IL1RAPL1: variants seen among roughly 807,000 people sequenced by gnomAD.
IL1RAPL1 encodes the protein interleukin 1 receptor accessory protein like 1, also known as interleukin-1 receptor accessory protein-like 1.
In IL1RAPL1, 3 loss-of-function variants were observed where a neutral mutation model predicts 48.4. The ratio of observed to expected loss-of-function variants is 0.06; its 90% CI spans 0.03 to 0.16. IL1RAPL1 has a LOEUF of 0.16. Ranked by LOEUF, IL1RAPL1 falls within the 10% of genes least tolerant of loss-of-function variation. The pLI is 1.00. For synonymous variants in IL1RAPL1, 185 were observed against 187.7 expected (o/e 0.99, Z 0.12); for missense variants, 349 against 530.6 (o/e 0.66, Z 3.36).
intron 2 of IL1RAPL1, among the ~76,000 whole-genome samples, chrX:28,932,599 T>C (rs1020186143): frequency 1.8e-5 from 2 of 111,156 alleles, no homozygotes; most frequent in Non-Finnish European, 1.9e-5. Context: ...ATAGAACAAC[T>C]CAGTGAAGGG....
intron 2 of IL1RAPL1, among the ~76,000 whole-genome samples, chrX:29,218,066 GA>G (rs1930910294): frequency 9.0e-6 from 1 of 111,150 alleles, no homozygotes; most frequent in Non-Finnish European, 1.9e-5. Context: ...TTTTTGTACA[GA>G]AAAAAATCTC....
At chrX:28,711,591 G>A (rs190063456) in intron 1 of IL1RAPL1, among the ~76,000 whole-genome samples, 3 of 109,852 alleles carry the variant, frequency 2.7e-5, no homozygotes, top group Non-Finnish European at 3.8e-5. Flanking sequence ...CTGAGTCTTG[G>A]AACCCTCTAA....
rs1323096653 is a variant in IL1RAPL1 at position 29,328,804 on chromosome X, T to C, written c.362+45587T>C. 2.7e-5 allele frequency among the ~76,000 whole-genome samples: 3 copies of C among 110,277 alleles called. No homozygotes were observed. In the East Asian group the frequency reaches 8.5e-4, roughly 31 times the overall value. ...CTATTCAAAGTAGTTATGTCTGTGA[T>C]TTTATTTATACTGTGATTTTTTCTT... is the stretch of plus-strand genomic sequence containing the variant. On this transcript the variant is annotated intron_variant, in intron 3 of 10. Coordinates refer to ENST00000378993, the MANE Select transcript of IL1RAPL1 (RefSeq NM_014271.4).
chrX:29,330,483 C>T (rs1454147353), intron 3 of IL1RAPL1, among the ~76,000 whole-genome samples: 1 of 111,654 alleles, frequency 9.0e-6, no homozygotes, highest in Non-Finnish European at 1.9e-5. Flanking sequence ...CTGCTTACAC[C>T]TTGCTATTCT....
chrX:29,779,599 T>A (rs985587857), intron 6 of IL1RAPL1, among the ~76,000 whole-genome samples: 5 of 110,606 alleles, frequency 4.5e-5, no homozygotes, highest in Non-Finnish European at 9.5e-5. Context: ...GAACCTAAAA[T>A]AAAAGTTGGA....
intron 6 of IL1RAPL1, among the ~76,000 whole-genome samples, chrX:29,704,038 T>A (rs1601787201): frequency 1.8e-5 from 2 of 111,416 alleles, no homozygotes; most frequent in South Asian, 7.6e-4. Flanking sequence ...TCCTCCCACC[T>A]CAGCCTTCCA....
intron 6 of IL1RAPL1, among the ~76,000 whole-genome samples, chrX:29,791,733 T>A (rs890118347): frequency 4.1e-5 from 4 of 98,418 alleles, no homozygotes; most frequent in Non-Finnish European, 8.2e-5. Flanking sequence ...CTTCTTTTTT[T>A]TTTTTTTTTT....
intron 6 of IL1RAPL1, among the ~76,000 whole-genome samples, chrX:29,670,503 G>A (rs909151564): frequency 2.7e-5 from 3 of 111,610 alleles, no homozygotes; most frequent in South Asian, 3.7e-4. Context: ...CAGATAAGTC[G>A]TTTACTAGTT....
At chrX:29,162,532 CAAAT>C (rs1929706673) in intron 2 of IL1RAPL1, among the ~76,000 whole-genome samples, 1 of 109,560 alleles carries the variant, frequency 9.1e-6, no homozygotes, top group African/African-American at 3.3e-5. Flanking sequence ...TTTCTAATAA[CAAAT>C]AATACATATA....
In IL1RAPL1 at chrX:29,955,102, C is replaced by T; in HGVS notation, c.1373C>T (p.Thr458Ile). Reference sequence around the variant, plus strand: ...TGATGCACTCTTTTATCTTTTGTAGCATACATTGAAGATGTGGCAAGATGT... The same window carrying T: ...TGATGCACTCTTTTATCTTTTGTAGTATACATTGAAGATGTGGCAAGATGT... Reference protein sequence around the residue: ...IPDRDLIPTGTYIEDVARCVD... With the variant: ...IPDRDLIPTGIYIEDVARCVD... The change falls in exon 11 of 11, where the codon ACA becomes ATA. Residue 458 changes from threonine (T) to isoleucine (I), a missense_variant and splice_region_variant. This residue lies in a region of IL1RAPL1 where 238 missense variants were observed against 337.8 expected (regional missense o/e 0.70). Coordinates refer to ENST00000378993, the MANE Select transcript of IL1RAPL1 (RefSeq NM_014271.4). The T allele has an allele frequency of 8.3e-7, 1 of 1,201,328 alleles. No homozygotes were observed. Among genetic ancestry groups the T allele is most frequent in the Non-Finnish European group, 1.1e-6 (1 of 885,885 alleles).
At chrX:29,265,282 ATAT>A (rs1319901877) in intron 2 of IL1RAPL1, among the ~76,000 whole-genome samples, 1 of 109,815 alleles carries the variant, frequency 9.1e-6, no homozygotes, top group Non-Finnish European at 1.9e-5. Context: ...TGAATTATGA[ATAT>A]TATGAATATA....
chrX:29,221,178 A>G (rs1274283022), intron 2 of IL1RAPL1, among the ~76,000 whole-genome samples: 1 of 112,211 alleles, frequency 8.9e-6, no homozygotes, highest in Non-Finnish European at 1.9e-5. Flanking sequence ...ACTACTGGTT[A>G]ACATAGATGA....
At chrX:28,781,166 G>A (rs1936419647) in intron 1 of IL1RAPL1, among the ~76,000 whole-genome samples, 1 of 110,821 alleles carries the variant, frequency 9.0e-6, no homozygotes, top group Non-Finnish European at 1.9e-5. Context: ...CTGGGCACAG[G>A]TTAGCTGACT....
At chrX:29,250,137 C>G (rs772196772) in intron 2 of IL1RAPL1, among the ~76,000 whole-genome samples, 41 of 111,786 alleles carry the variant, frequency 3.7e-4, no homozygotes, top group African/African-American at 1.3e-3. Flanking sequence ...TAATTCAATT[C>G]TCTCTTCAAT....
At position 29,803,429 on chromosome X, in the gene IL1RAPL1, A is replaced by C. The variant is rs148974756; in HGVS notation, c.779-114035A>C. 4.7e-4 allele frequency among the ~76,000 whole-genome samples: 45 copies of C among 96,493 alleles called. 2 individuals carry two copies. Among genetic ancestry groups the C allele is most frequent in the African/African-American group, 1.6e-3 (42 of 26,815 alleles). 83.8% of individuals were successfully genotyped at this position (96,493 alleles called of 115,157 possible). A position where few individuals can be genotyped will look rare whatever the true frequency, so the allele number is the denominator to read the frequency against. On this transcript the variant is annotated intron_variant, in intron 6 of 10. Transcript: ENST00000378993. ...TGTGTATATGTGTATATGTGTATATATGTATACATCTATGTATATATGTGT... is the reference window on the plus strand; with the variant it reads ...TGTGTATATGTGTATATGTGTATATCTGTATACATCTATGTATATATGTGT...
chrX:29,625,466 T>A (rs1178764519), intron 5 of IL1RAPL1, among the ~76,000 whole-genome samples: 1 of 112,044 alleles, frequency 8.9e-6, no homozygotes, highest in African/African-American at 3.2e-5. Flanking sequence ...TACTGGACTC[T>A]TGGACAAATA....
chrX:29,674,104 A>G (rs1926209665), intron 6 of IL1RAPL1, among the ~76,000 whole-genome samples: 1 of 111,461 alleles, frequency 9.0e-6, no homozygotes, highest in African/African-American at 3.3e-5. Flanking sequence ...ACTGCTATCT[A>G]CGTAGAAGTT....
chrX:29,941,340 A>G (rs1216211641), intron 8 of IL1RAPL1, among the ~76,000 whole-genome samples: 3 of 112,194 alleles, frequency 2.7e-5, no homozygotes, highest in African/African-American at 9.7e-5. Context: ...GTTAAACCCA[A>G]TATTATAGTT....
At chrX:29,585,546 G>A (rs1028557612) in intron 5 of IL1RAPL1, among the ~76,000 whole-genome samples, 28 of 111,688 alleles carry the variant, frequency 2.5e-4, no homozygotes, top group African/African-American at 9.1e-4. Flanking sequence ...ACCCAGAGTT[G>A]GATTACTGGA....
Sources: allele counts gnomAD v4.1 joint callset (sites outside exome capture counted in the v4.1 genomes callset), GRCh38; gene constraint gnomAD v4.1.1; regional missense constraint gnomAD v4.1.1; transcripts MANE v1.5; gene names NCBI Gene and HGNC (gene_info 2026-07-23, HGNC 2026-07-21).